EML4: variants seen among roughly 807,000 people sequenced by gnomAD.
EML4 encodes the protein EMAP like 4, also known as echinoderm microtubule-associated protein-like 4.
A neutral mutation model predicts 129.0 loss-of-function variants in EML4; 72 were observed. The observed-to-expected ratio is 0.56, with a 90% confidence interval of 0.46 to 0.68. The LOEUF (loss-of-function observed/expected upper bound fraction) is 0.68. Ranked by LOEUF, EML4 falls within the 30% of genes least tolerant of loss-of-function variation. EML4 has a pLI of 0.00. For missense variants in EML4, 1,363 were observed against 1,190.6 expected (o/e 1.14, Z -2.13); for synonymous variants, 532 against 405.0 (o/e 1.31, Z -3.77).
intron 16 of EML4, among the ~76,000 whole-genome samples, chr2:42,303,702 G>T (rs1298950772): frequency 6.6e-6 from 1 of 152,208 alleles, no homozygotes; most frequent in Non-Finnish European, 1.5e-5. Flanking sequence ...CAGGCAGGCG[G>T]ATCACGAGGT....
At chr2:42,299,970 G>A (rs1448691561) in intron 13 of EML4, among the ~76,000 whole-genome samples, 1 of 152,224 alleles carries the variant, frequency 6.6e-6, no homozygotes, top group East Asian at 1.9e-4. Flanking sequence ...ACAGGTGTGA[G>A]CCACAGTGCC....
chr2:42,325,990 C>A, intron 20 of EML4, 164 bp from the exon 21 acceptor site: 1 of 649,198 alleles, frequency 1.5e-6, no homozygotes, highest in Non-Finnish European at 1.9e-6. Context: ...TTTTATAAAC[C>A]CTGTTAAAGT....
chr2:42,317,568 T>A (rs371272538), intron 19 of EML4, 44 bp downstream of exon 19: 2 of 1,410,226 alleles, frequency 1.4e-6, no homozygotes, highest in African/African-American at 2.9e-5. Context: ...TTGGGAAATT[T>A]TACTTCCGTT....
intron 19 of EML4, 36 bp downstream of exon 19, chr2:42,317,560 G>T: frequency 6.8e-7 from 1 of 1,477,396 alleles, no homozygotes; most frequent in South Asian, 1.2e-5. Flanking sequence ...TAAAATTATT[G>T]GGAAATTTTA....
At chr2:42,231,627 A>T (rs987210023) in intron 1 of EML4, among the ~76,000 whole-genome samples, 27 of 152,170 alleles carry the variant, frequency 1.8e-4, no homozygotes, top group Non-Finnish European at 2.6e-4. Context: ...ATATTCCATC[A>T]ATTCTGTCTT....
chr2:42,194,347 C>A (rs200858629), intron 1 of EML4, among the ~76,000 whole-genome samples: 1 of 126,822 alleles, frequency 7.9e-6, no homozygotes, highest in South Asian at 2.5e-4. Flanking sequence ...CTCTCTCTCT[C>A]TTTTTTTTTT....
chr2:42,198,429 G>T (rs1188698808), intron 1 of EML4, among the ~76,000 whole-genome samples: 1 of 152,134 alleles, frequency 6.6e-6, no homozygotes, highest in African/African-American at 2.4e-5. Flanking sequence ...GAGGGGCTGG[G>T]TGTGGTGGCT....
chr2:42,216,230 C>CTTTTTTTTTTTTT lies in EML4; in HGVS notation c.26-29257_26-29245dup, dbSNP rs61417977. On this transcript the variant is annotated intron_variant, in intron 1 of 22. Coordinates refer to ENST00000318522, the MANE Select transcript of EML4 (RefSeq NM_019063.5). ...ATGAGCTACCACACCCGGCCCACTT[C>CTTTTTTTTTTTTT]TTTTTTTTTTTTTTTTTTTTTTTTT... 2.3e-4 allele frequency among the ~76,000 whole-genome samples: 10 copies of CTTTTTTTTTTTTT among 43,378 alleles called. 1 individual carries two copies. Among genetic ancestry groups the CTTTTTTTTTTTTT allele is most frequent in the African/African-American group, 1.1e-3 (9 of 7,860 alleles). 28.5% of individuals were successfully genotyped at this position (43,378 alleles called of 152,430 possible).
intron 19 of EML4, among the ~76,000 whole-genome samples, chr2:42,320,589 AC>A (rs1228450871): frequency 6.6e-6 from 1 of 152,182 alleles, no homozygotes; most frequent in Non-Finnish European, 1.5e-5. Flanking sequence ...CCTGGGTTGT[AC>A]CTACGGGTAT....
intron 18 of EML4, among the ~76,000 whole-genome samples, chr2:42,316,956 G>C (rs13009753): frequency 5.9e-5 from 9 of 152,146 alleles, no homozygotes; most frequent in Admixed American, 2.6e-4. Flanking sequence ...TATAGCTGTC[G>C]AATTCCAGAG....
intron 1 of EML4, among the ~76,000 whole-genome samples, chr2:42,214,527 C>G (rs1271505132): frequency 1.3e-5 from 2 of 151,512 alleles, no homozygotes; most frequent in East Asian, 1.9e-4. Context: ...ATTAATATAC[C>G]CTTATTGATC....
intron 1 of EML4, among the ~76,000 whole-genome samples, chr2:42,187,239 G>T (rs1248831529): frequency 6.6e-6 from 1 of 151,742 alleles, no homozygotes; most frequent in Non-Finnish European, 1.5e-5. Flanking sequence ...TGTAGAAATG[G>T]GGTTTTGCCA....
At chr2:42,315,889 A>G in intron 17 of EML4, 73 bp from the exon 18 acceptor site, 1 of 1,152,474 alleles carries the variant, frequency 8.7e-7, no homozygotes, top group African/African-American at 1.6e-5. Flanking sequence ...TCAAAAAAAA[A>G]AGAAAAAGAA....
chr2:42,197,403 A>G (rs1671956594), intron 1 of EML4, among the ~76,000 whole-genome samples: 1 of 151,302 alleles, frequency 6.6e-6, no homozygotes, highest in Admixed American at 6.6e-5. Flanking sequence ...TTGGTAAAGA[A>G]AAAGAACCCC....
Position 42,323,842 on chromosome 2 carries a change from G to C in EML4, c.2155-1625G>C, listed in dbSNP as rs553221315. ...ACCTGTAGTCCCAGCTACTTGGGAG[G>C]CTGAGGTGGGAGGATCACTTGAACC... On this transcript the variant is annotated intron_variant, in intron 19 of 22. Coordinates refer to ENST00000318522, the MANE Select transcript of EML4 (RefSeq NM_019063.5). Among the ~76,000 whole-genome samples the C allele has an allele frequency of 3.9e-5, 6 of 151,986 alleles. No homozygotes were observed. In the South Asian group the frequency reaches 1.2e-3, roughly 32 times the overall value.
At chr2:42,326,036 G>T in intron 20 of EML4, 118 bp from the exon 21 acceptor site, 1 of 1,337,426 alleles carries the variant, frequency 7.5e-7, no homozygotes, top group African/African-American at 1.5e-5. Context: ...GTGTCTTAAT[G>T]TTTTTCAGTG....
intron 1 of EML4, among the ~76,000 whole-genome samples, chr2:42,216,137 C>G (rs1558509543): frequency 6.6e-6 from 1 of 150,660 alleles, no homozygotes; most frequent in Non-Finnish European, 1.5e-5. Flanking sequence ...TCAGGCTGGT[C>G]TCAAACTCCT....
At chr2:42,302,413 A>G (rs1405486494) in intron 14 of EML4, among the ~76,000 whole-genome samples, 5 of 152,182 alleles carry the variant, frequency 3.3e-5, no homozygotes, top group Non-Finnish European at 5.9e-5. Flanking sequence ...TTATCCTTAT[A>G]TTACAGAAAA....
At chr2:42,221,402 A>ATTTTTTTTTTTTTT (rs1450348385) in intron 1 of EML4, among the ~76,000 whole-genome samples, 1 of 75,612 alleles carries the variant, frequency 1.3e-5, no homozygotes, top group African/African-American at 5.4e-5. Flanking sequence ...AACATGGTTT[A>ATTTTTTTTTTTTTT]CTTTTTTTTT....
Sources: gnomAD v4.1 joint callset for allele counts (sites outside exome capture counted in the v4.1 genomes callset) on GRCh38, gnomAD v4.1.1 for gene constraint, MANE v1.5 for transcripts, NCBI Gene and HGNC (gene_info 2026-07-23, HGNC 2026-07-21) for gene names.